The following RAD54L2 variants were observed in gnomAD, a reference collection of about 807,000 sequenced individuals.
RAD54L2 encodes helicase ARIP4.
Under a neutral mutation model 138.4 loss-of-function variants are expected in RAD54L2, and 27 were observed. The observed-to-expected ratio is 0.20, with a 90% CI of 0.14 to 0.27. The LOEUF (loss-of-function observed/expected upper bound fraction) is 0.27. Ranked by LOEUF, RAD54L2 falls within the 10% of genes least tolerant of loss-of-function variation. The pLI is 1.00. For missense variants in RAD54L2, 1,396 were observed against 1,890.2 expected (o/e 0.74, Z 4.85); for synonymous variants, 644 against 723.2 (o/e 0.89, Z 1.76).
chr3:51,663,705 T>G lies in RAD54L2; in HGVS notation c.*285T>G. On this transcript the variant is annotated 3_prime_UTR_variant, in exon 23 of 23. Coordinates refer to ENST00000684192, the MANE Select transcript of RAD54L2 (RefSeq NM_015106.4). The stretch of plus-strand genomic sequence containing the variant: ...AGCCTCTTTTCCTTCCTGCCTTGCT[T>G]ATGCTGTCTGCTTGCTTGCTCGCCC... 2 of 391,862 alleles carry G rather than the reference T, an allele frequency of 5.1e-6. No individual in the cohort carries two copies. The highest frequency in any genetic ancestry group is 4.6e-6 in the Non-Finnish European group (1 of 217,558). 24.3% of individuals were successfully genotyped at this position (391,862 alleles called of 1,614,324 possible).
intron 22 of RAD54L2, among the ~76,000 whole-genome samples, chr3:51,660,625 T>G (rs1479985995): frequency 7.5e-6 from 1 of 133,064 alleles, no homozygotes; most frequent in African/African-American, 2.9e-5. Context: ...TGTTTTGTTT[T>G]TTTTGTTTTT....
intron 2 of RAD54L2, among the ~76,000 whole-genome samples, chr3:51,556,365 C>T (rs1223385589): frequency 6.6e-6 from 1 of 152,128 alleles, no homozygotes; most frequent in Non-Finnish European, 1.5e-5. Context: ...CCTCAACCTC[C>T]CTGGCCCATG....
At chr3:51,647,457 C>T (rs1178403364) in intron 19 of RAD54L2, among the ~76,000 whole-genome samples, 2 of 152,062 alleles carry the variant, frequency 1.3e-5, no homozygotes, top group African/African-American at 2.4e-5. Context: ...CACCTGAGGT[C>T]GGGAGTTCAA....
chr3:51,618,256 C>T (rs900975848), intron 3 of RAD54L2, among the ~76,000 whole-genome samples: 6 of 151,628 alleles, frequency 4.0e-5, no homozygotes, highest in African/African-American at 1.5e-4. Flanking sequence ...GGATTACAGG[C>T]GTGAGTCACT....
intron 2 of RAD54L2, among the ~76,000 whole-genome samples, chr3:51,556,900 G>T (rs1698982330): frequency 3.3e-5 from 5 of 151,930 alleles, no homozygotes. Context: ...ATCCTTTGTT[G>T]TCTGGCTTGG....
chr3:51,572,452 TAAAAAA>T (rs529261675), intron 2 of RAD54L2, among the ~76,000 whole-genome samples: 1 of 109,514 alleles, frequency 9.1e-6, no homozygotes, highest in Non-Finnish European at 1.9e-5. Context: ...GACTCCGTCT[TAAAAAA>T]AAAAAAAAAA....
intron 3 of RAD54L2, among the ~76,000 whole-genome samples, chr3:51,613,789 C>T (rs1375112286): frequency 6.7e-6 from 1 of 148,526 alleles, no homozygotes; most frequent in Non-Finnish European, 1.5e-5. Flanking sequence ...AAAAAAGGTA[C>T]GTAGTTGTGT....
chr3:51,561,833 G>A (rs1699106325), intron 2 of RAD54L2, among the ~76,000 whole-genome samples: 1 of 152,068 alleles, frequency 6.6e-6, no homozygotes, highest in Non-Finnish European at 1.5e-5. Flanking sequence ...GGAATTACAG[G>A]TGTGGGTCAT....
rs530944617 is a variant in RAD54L2, at chr3:51,647,205, TTC to T, written c.3026+728_3026+729del. 6.6e-5 allele frequency among the ~76,000 whole-genome samples: 10 copies of T among 152,306 alleles called. No individual in the cohort carries two copies. The South Asian group carries it at 8.3e-4, about 13-fold the overall frequency. The stretch of plus-strand genomic sequence containing the variant: ...TATTTGATGGGAACAGATTTAAATT[TTC>T]TCTTTCTTTTTTTGTGACAGGGTGT... On this transcript the variant is annotated intron_variant, in intron 19 of 22. Transcript: ENST00000684192.
intron 15 of RAD54L2, among the ~76,000 whole-genome samples, chr3:51,643,486 CATCCAT>C (rs1189468638): frequency 6.6e-6 from 1 of 152,166 alleles, no homozygotes; most frequent in Non-Finnish European, 1.5e-5. Flanking sequence ...GGAGGAACAT[CATCCAT>C]ATCAAAACCC....
intron 2 of RAD54L2, among the ~76,000 whole-genome samples, chr3:51,543,268 C>G (rs1270557122): frequency 6.6e-6 from 1 of 152,024 alleles, no homozygotes; most frequent in Non-Finnish European, 1.5e-5. Flanking sequence ...TGCAGTCTTG[C>G]TGTAGTCAAA....
In RAD54L2 at chr3:51,619,152, G is replaced by A. The variant is rs545771131; in HGVS notation, c.140-8401G>A. ...AGCTCACTGCAACCTCTGCCTCCCG[G>A]GTTCAAGCAATTCTCCTGCCTCAGC... On this transcript the variant is annotated intron_variant, in intron 3 of 22. Coordinates refer to ENST00000684192, the MANE Select transcript of RAD54L2 (RefSeq NM_015106.4). Among the ~76,000 whole-genome samples the A allele has an allele frequency of 6.6e-5, 10 of 152,244 alleles. No homozygotes were observed. In the South Asian group the frequency reaches 2.1e-3, roughly 32 times the overall value.
chr3:51,615,001 ATATTTTATTT>A (rs1187945864), intron 3 of RAD54L2, among the ~76,000 whole-genome samples: 1 of 151,150 alleles, frequency 6.6e-6, no homozygotes, highest in Non-Finnish European at 1.5e-5. Context: ...TAATTAATTA[ATATTTTATTT>A]TATTTTATTT....
chr3:51,630,673 A>C, intron 6 of RAD54L2, 32 bp from the exon 7 acceptor site: 1 of 1,565,394 alleles, frequency 6.4e-7, no homozygotes, highest in African/African-American at 1.4e-5. Flanking sequence ...CACTCCCTGG[A>C]TTTTTGGTTT....
chr3:51,565,922 G>A (rs561276011), intron 2 of RAD54L2, among the ~76,000 whole-genome samples: 4 of 134,512 alleles, frequency 3.0e-5, no homozygotes, highest in East Asian at 5.2e-4. Flanking sequence ...TCTGCCTCCC[G>A]GGTTCCTCCC....
rs752526532 is a variant in RAD54L2 at position 51,662,432 on chromosome 3, A to T, written c.3416A>T (p.Gln1139Leu). The T allele has an allele frequency of 4.6e-6, 7 of 1,519,832 alleles. No homozygotes were observed. Among genetic ancestry groups the T allele is most frequent in the Non-Finnish European group, 6.2e-6 (7 of 1,132,028 alleles). The allele number at this position is 1,519,832 out of a possible 1,614,324, so 94.1% of individuals were successfully genotyped here. Residue 1139 changes from glutamine to leucine, a missense_variant, in exon 23 of 23, where the codon CAG becomes CTG. Gln to Leu is a moderately radical substitution (Grantham distance 113). Transcript: ENST00000684192. The surrounding 1 kb of genome is among the most constrained non-coding windows in gnomAD (Gnocchi z 4.6). Reference sequence around the variant, plus strand: ...AACTACATTTTGTCCCCAGGTTCCCAGGGACCTTCTTGCGAGTCCACAAGC... The same window carrying T: ...AACTACATTTTGTCCCCAGGTTCCCTGGGACCTTCTTGCGAGTCCACAAGC... ...EDGRMAASGS[Q>L]GPSCESTSNG...
intron 2 of RAD54L2, among the ~76,000 whole-genome samples, chr3:51,588,943 T>G (rs560555604): frequency 6.6e-6 from 1 of 152,272 alleles, no homozygotes; most frequent in African/African-American, 2.4e-5. Flanking sequence ...TCCTTCCTTT[T>G]GGTTTCTGCT....
intron 2 of RAD54L2, among the ~76,000 whole-genome samples, chr3:51,556,232 C>T (rs1290721770): frequency 1.3e-5 from 2 of 151,950 alleles, no homozygotes; most frequent in Non-Finnish European, 2.9e-5. Context: ...TTTTATCATC[C>T]TCTCATTAAG....
intron 2 of RAD54L2, among the ~76,000 whole-genome samples, chr3:51,577,917 T>C (rs1699516289): frequency 6.6e-6 from 1 of 152,198 alleles, no homozygotes; most frequent in Non-Finnish European, 1.5e-5. Context: ...CAGTTACTTA[T>C]TTATTTTTAC....
Sources: allele counts gnomAD v4.1 joint callset (sites outside exome capture counted in the v4.1 genomes callset), GRCh38; gene constraint gnomAD v4.1.1; non-coding constraint Gnocchi (gnomAD v3.1); transcripts MANE v1.5; gene names NCBI Gene and HGNC (gene_info 2026-07-23, HGNC 2026-07-21).